Variants in CMYA5 observed in about 807,000 individuals in gnomAD.
CMYA5 encodes cardiomyopathy associated 5, also known as cardiomyopathy-associated protein 5.
A neutral mutation model predicts 318.9 loss-of-function variants in CMYA5; 246 were observed. That is an observed-to-expected ratio of 0.77 (90% CI 0.70 to 0.86). CMYA5 has a LOEUF of 0.86. Among genes scored for constraint, CMYA5 ranks in the 40% least tolerant of loss-of-function variants. The pLI, the probability that CMYA5 is intolerant of heterozygous loss-of-function variation, is 0.00. For missense variants in CMYA5, 4,589 were observed against 4,678.2 expected (o/e 0.98, Z 0.56); for synonymous variants, 1,641 against 1,729.5 (o/e 0.95, Z 1.27).
At position 79,734,608 on chromosome 5, in the gene CMYA5, C is replaced by T. The variant is rs371813196; in HGVS notation, c.5843C>T (p.Pro1948Leu). The T allele has an allele frequency of 5.3e-5, 86 of 1,613,676 alleles. No homozygotes were observed. Among genetic ancestry groups the T allele is most frequent in the African/African-American group, 1.9e-4 (14 of 74,896 alleles). ...TGTGAAGTGAGAAAGCAGGTCCTGC[C>T]GCATTCTGCTGAAGAATCTCATTTG... Reference protein sequence around the residue: ...HTCEVRKQVLPHSAEESHLSS... With the variant: ...HTCEVRKQVLLHSAEESHLSS... Residue 1948 changes from proline (P) to leucine (L), a missense_variant, in exon 2 of 13, where the codon CCG (proline) becomes CTG (leucine). Pro to Leu is a moderately conservative substitution (Grantham distance 98). This residue lies in a region of CMYA5 where 2,431 missense variants were observed against 2,495.1 expected (regional missense o/e 0.97). Coordinates refer to ENST00000446378, the MANE Select transcript of CMYA5 (RefSeq NM_153610.5).
At chr5:79,693,081 C>A (rs1827000146) in intron 1 of CMYA5, among the ~76,000 whole-genome samples, 1 of 152,128 alleles carries the variant, frequency 6.6e-6, no homozygotes. Context: ...ATACATGCTA[C>A]CTGGAAGGGT....
intron 1 of CMYA5, among the ~76,000 whole-genome samples, chr5:79,712,801 G>T (rs1362249072): frequency 6.6e-6 from 1 of 151,728 alleles, no homozygotes; most frequent in Non-Finnish European, 1.5e-5. Flanking sequence ...ATTGTATTAG[G>T]AAAAAAAAGT....
intron 9 of CMYA5, among the ~76,000 whole-genome samples, chr5:79,766,797 T>C (rs259106): frequency 0.2 from 30,432 of 152,148 alleles, 3,136 homozygotes; most frequent in East Asian, 0.31. Context: ...CAAGTTTTGG[T>C]ATCAGGATGA....
intron 1 of CMYA5, among the ~76,000 whole-genome samples, chr5:79,718,457 C>A (rs1408695866): frequency 6.6e-6 from 1 of 152,046 alleles, no homozygotes; most frequent in Non-Finnish European, 1.5e-5. Flanking sequence ...ATTTTAATAA[C>A]AATTGATATT....
At position 79,737,107 on chromosome 5, in the gene CMYA5, G is replaced by C; in HGVS notation, c.8342G>C (p.Ser2781Thr). The C allele has an allele frequency of 6.2e-7, 1 of 1,613,602 alleles. No homozygotes were observed. Residue 2781 changes from serine to threonine, a missense_variant, in exon 2 of 13, where the codon AGT (serine) becomes ACT (threonine). By Grantham distance (58) the Ser-to-Thr change is moderately conservative. This residue lies in a region of CMYA5 where 2,431 missense variants were observed against 2,495.1 expected (regional missense o/e 0.97). Transcript: ENST00000446378. ...GGTTCAGTAGATATCACAAAAGAAA[G>C]TATGAAAGAAGGATTTCCATCTAAA... ...KGGSVDITKE[S>T]MKEGFPSKES...
At chr5:79,699,120 T>G (rs993908200) in intron 1 of CMYA5, among the ~76,000 whole-genome samples, 1 of 151,930 alleles carries the variant, frequency 6.6e-6, no homozygotes, top group Non-Finnish European at 1.5e-5. Context: ...ATGGTACCAC[T>G]GCACTCCAGC....
At chr5:79,754,212 G>A (rs111272737) in intron 6 of CMYA5, among the ~76,000 whole-genome samples, 325 of 152,272 alleles carry the variant, frequency 2.1e-3, no homozygotes, top group African/African-American at 7.6e-3. Flanking sequence ...TGTGCATTTG[G>A]TGACACCTCT....
chr5:79,765,551 TA>T (rs1192811312), intron 9 of CMYA5, among the ~76,000 whole-genome samples: 1 of 152,222 alleles, frequency 6.6e-6, no homozygotes, highest in Non-Finnish European at 1.5e-5. Context: ...TTGGTGGGGA[TA>T]GCATTGAATC....
Position 79,731,645 on chromosome 5 carries a change from T to G in CMYA5, c.2880T>G (p.Tyr960Ter). Residue 960 changes from tyrosine (Y) to a stop codon, truncating the protein, a stop_gained, in exon 2 of 13, where the codon TAT (tyrosine) becomes TAG (stop). Transcript: ENST00000446378. LOFTEE classifies it high-confidence loss of function. ...TGTCAGAATTCTCATTTCCACCGTA[T>G]GCAACCCAGGAAGCAGAGAAAAGAG... ...AFVSEFSFPP[Y>*]ATQEAEKREF... is the part of the protein sequence containing the mutation. 6.2e-7 allele frequency: 1 copy of G among 1,613,966 alleles called. No homozygotes were observed. The highest frequency in any genetic ancestry group is 1.1e-5 in the South Asian group (1 of 91,076).
At chr5:79,719,154 A>G (rs115360215) in intron 1 of CMYA5, among the ~76,000 whole-genome samples, 3,278 of 152,322 alleles carry the variant, frequency 0.022, 126 homozygotes, top group African/African-American at 0.073. Context: ...ATATTGATGA[A>G]GAAATGTGGG....
Position 79,738,858 on chromosome 5 carries a change from G to C in CMYA5, c.10093G>C (p.Ala3365Pro), listed in dbSNP as rs138763729. 116 of 1,613,820 alleles carry C rather than the reference G, an allele frequency of 7.2e-5. No homozygotes were observed. The highest frequency in any genetic ancestry group is 9.6e-5 in the Non-Finnish European group (113 of 1,179,862). ...AGSHGNEVGN[A>P]SPEVNLNVPV... ...CAGTCACGGTAATGAAGTCGGAAAT[G>C]CAAGTCCAGAGGTCAATCTGAATGT... Residue 3365 changes from alanine to proline, a missense_variant, in exon 2 of 13, where the codon GCA becomes CCA. Ala to Pro is a conservative substitution (Grantham distance 27). Transcript: ENST00000446378.
At position 79,761,975 on chromosome 5, in the gene CMYA5, A is replaced by G. The variant is rs750576689; in HGVS notation, c.11407+18A>G. ...TAGGACAGGTAAGGAGATGGATGCT[A>G]AGGGTGCATTAGAAGACAACGCTCA... is the stretch of plus-strand genomic sequence containing the variant. On this transcript the variant is annotated intron_variant, in intron 8 of 12. Transcript: ENST00000446378. 6.2e-7 allele frequency: 1 copy of G among 1,605,944 alleles called. No homozygotes were observed. Among genetic ancestry groups the G allele is most frequent in the Admixed American group, 1.7e-5 (1 of 58,756 alleles).
In CMYA5 at chr5:79,735,922, A is replaced by G. The variant is rs767092874; in HGVS notation, c.7157A>G (p.Gln2386Arg). 71 of 1,609,224 alleles carry G rather than the reference A, an allele frequency of 4.4e-5. 1 individual carries two copies. Among genetic ancestry groups the G allele is most frequent in the Middle Eastern group, 1.7e-4 (1 of 6,054 alleles). ...TTTGATGTAGTAGATAAGGTGCCAC[A>G]ACAGCCAAAATCAGCTTCCTCCAAC... ...LSFDVVDKVP[Q>R]QPKSASSNFA... The change falls in exon 2 of 13, where the codon CAA becomes CGA. Residue 2386 changes from glutamine (Q) to arginine (R), a missense_variant. Transcript: ENST00000446378.
Position 79,690,951 on chromosome 5 carries a change from AGGAT to A in CMYA5, c.149+902_149+905del, listed in dbSNP as rs780405894. Among the ~76,000 whole-genome samples the A allele has an allele frequency of 9.8e-4, 149 of 152,308 alleles. 1 individual carries two copies. Among genetic ancestry groups the A allele is most frequent in the Non-Finnish European group, 1.6e-3 (111 of 68,034 alleles). ...AGTAGCCCATAGAGGGGCATTGAGGAGGATGGATGGTCAGACAAGAAGTCCTGAA... is the reference window on the plus strand; with the variant it reads ...AGTAGCCCATAGAGGGGCATTGAGGAGGATGGTCAGACAAGAAGTCCTGAA... On this transcript the variant is annotated intron_variant, in intron 1 of 12. Coordinates refer to ENST00000446378, the MANE Select transcript of CMYA5 (RefSeq NM_153610.5).
chr5:79,758,662 C>A (rs1484150078), intron 6 of CMYA5, 91 bp from the exon 7 acceptor site: 3 of 1,082,484 alleles, frequency 2.8e-6, no homozygotes, highest in Non-Finnish European at 3.8e-6. Flanking sequence ...TTTCTGTATT[C>A]TTTGAATATT....
rs540990173 is a variant in CMYA5 at position 79,695,684 on chromosome 5, G to A, written c.149+5628G>A. Reference sequence around the variant, plus strand: ...GACACAAAGAGGATTGGATGACACAGTTGTTTTCCCTCAAGGAGCTCAGTC... The same window carrying A: ...GACACAAAGAGGATTGGATGACACAATTGTTTTCCCTCAAGGAGCTCAGTC... On this transcript the variant is annotated intron_variant, in intron 1 of 12. Transcript: ENST00000446378. Among the ~76,000 whole-genome samples the A allele has an allele frequency of 3.3e-5, 5 of 152,354 alleles. No individual in the cohort carries two copies. In the South Asian group the frequency reaches 1.0e-3, roughly 32 times the overall value.
intron 6 of CMYA5, among the ~76,000 whole-genome samples, chr5:79,753,561 C>T (rs1828471385): frequency 6.6e-6 from 1 of 151,850 alleles, no homozygotes; most frequent in Admixed American, 6.6e-5. Flanking sequence ...CCAGCCTGGG[C>T]AACATAGTAA....
chr5:79,784,783 C>T (rs1056517127), intron 9 of CMYA5, among the ~76,000 whole-genome samples: 11 of 148,644 alleles, frequency 7.4e-5, no homozygotes, highest in Non-Finnish European at 1.6e-4. Flanking sequence ...GGCTCGCTCA[C>T]GGTGCGCGCA....
intron 9 of CMYA5, among the ~76,000 whole-genome samples, chr5:79,777,335 G>C (rs1346338293): frequency 1.3e-5 from 2 of 152,126 alleles, no homozygotes; most frequent in African/African-American, 2.4e-5. Context: ...GATCCTTCCA[G>C]ATAGTCTGTG....
Sources: allele counts gnomAD v4.1 joint callset (sites outside exome capture counted in the v4.1 genomes callset), GRCh38; gene constraint gnomAD v4.1.1; regional missense constraint gnomAD v4.1.1; transcripts MANE v1.5; gene names NCBI Gene and HGNC (gene_info 2026-07-23, HGNC 2026-07-21).